DNAAF10: variants seen among roughly 807,000 people sequenced by gnomAD.
The protein encoded by DNAAF10 is WD repeat domain 92.
A neutral mutation model predicts 43.7 loss-of-function variants in DNAAF10; 28 were observed. The ratio of observed to expected loss-of-function variants is 0.64; its 90% CI spans 0.48 to 0.88. The LOEUF (loss-of-function observed/expected upper bound fraction) is 0.88, where lower values mean the gene tolerates loss of function less well. Among genes scored for constraint, DNAAF10 ranks in the 40% least tolerant of loss-of-function variants. The pLI, the probability that DNAAF10 is intolerant of heterozygous loss-of-function variation, is 0.00. For synonymous variants in DNAAF10, 156 were observed against 157.3 expected, an observed-to-expected ratio of 0.99 and a Z score of 0.06; for missense variants, 403 against 439.1, an observed-to-expected ratio of 0.92 and a Z score of 0.73.
rs1015348569 is a variant in DNAAF10, at chr2:68,130,281, C to T, written c.*957G>A. ...AAGTAGCTGTGATTACAGGCGCCCG[C>T]CACTAAGCCCAGCTAATTTTTTGTA... On this transcript the variant is annotated 3_prime_UTR_variant, in exon 8 of 8. Transcript: ENST00000295121. 1 of 151,618 alleles carries T rather than the reference C, an allele frequency of 6.6e-6. No homozygotes were observed. The highest frequency in any genetic ancestry group is 6.6e-5 in the Admixed American group (1 of 15,192). 9.4% of individuals were successfully genotyped at this position (151,618 alleles called of 1,614,324 possible). A position where few individuals can be genotyped will look rare whatever the true frequency, so the allele number is the denominator to read the frequency against.
At chr2:68,151,017 C>T (rs971876111) in intron 1 of DNAAF10, among the ~76,000 whole-genome samples, 1 of 152,128 alleles carries the variant, frequency 6.6e-6, no homozygotes, top group Non-Finnish European at 1.5e-5. Flanking sequence ...ACCAAACTGA[C>T]AACCAGTCTA....
At chr2:68,149,358 T>G (rs1277210878) in intron 1 of DNAAF10, among the ~76,000 whole-genome samples, 1 of 152,170 alleles carries the variant, frequency 6.6e-6, no homozygotes, top group African/African-American at 2.4e-5. Flanking sequence ...TCCTCAGAAT[T>G]GTCTAGTAAA....
chr2:68,152,741 C>T (rs568024833), intron 1 of DNAAF10, among the ~76,000 whole-genome samples: 9 of 152,194 alleles, frequency 5.9e-5, no homozygotes, highest in Non-Finnish European at 1.2e-4. Context: ...CATAATTGAC[C>T]TAACTGTTCA....
rs762214681 is a variant in DNAAF10, at chr2:68,134,761, C to T, written c.807G>A (p.Pro269=). 19 of 1,609,646 alleles carry T rather than the reference C, an allele frequency of 1.2e-5. No homozygotes were observed. Among genetic ancestry groups the T allele is most frequent in the East Asian group, 2.2e-5 (1 of 44,778 alleles). ...KSTVWQVRHL[P]QNRELFLTAG... ...CTGTCAGAAAGAGCTCCCTGTTCTG[C>T]GGCAGGTGTCGGACCTGCCACACAG... The change falls in exon 7 of 8, where the codon CCG becomes CCA. Residue 269 remains proline, a synonymous_variant. Transcript: ENST00000295121.
Position 68,134,456 on chromosome 2 carries a change from A to T in DNAAF10, c.866+246T>A, listed in dbSNP as rs944577207. On this transcript the variant is annotated intron_variant, in intron 7 of 7. Coordinates refer to ENST00000295121, the MANE Select transcript of DNAAF10 (RefSeq NM_138458.4). ...AAAAGTCTTGGGCCAACTTTTTCAT[A>T]CTTAGAAGACACAACTAAAATGATA... 2,126 of 1,269,774 alleles carry T rather than the reference A, an allele frequency of 1.7e-3. 4 individuals are homozygous for T. Among genetic ancestry groups the T allele is most frequent in the Non-Finnish European group, 1.9e-3 (1,879 of 1,009,210 alleles). The allele number at this position is 1,269,774 out of a possible 1,614,324, so 78.7% of individuals were successfully genotyped here. A position where few individuals can be genotyped will look rare whatever the true frequency, so the allele number is the denominator to read the frequency against.
intron 1 of DNAAF10, chr2:68,156,779 A>T (rs1294492584): frequency 1.8e-5 from 3 of 165,708 alleles, no homozygotes; most frequent in Admixed American, 1.7e-4. Context: ...CATTCATCCC[A>T]AATCTGTTTT....
chr2:68,146,636 T>C (rs1367680939), intron 2 of DNAAF10, among the ~76,000 whole-genome samples: 1 of 152,218 alleles, frequency 6.6e-6, no homozygotes, highest in African/African-American at 2.4e-5. Context: ...CTAATTTAAT[T>C]ATTAAGGAGT....
chr2:68,134,800 C>T lies in DNAAF10; in HGVS notation c.769-1G>A, dbSNP rs1381691927. 1.2e-6 allele frequency: 2 copies of T among 1,613,154 alleles called. No homozygotes were observed. The highest frequency in any genetic ancestry group is 2.7e-5 in the African/African-American group (2 of 74,800). ...CCTGCCACACAGTAGATTTATGAGC[C>T]TAAATAGAACAAGAGGCATACAACT... is the stretch of plus-strand genomic sequence containing the variant. On this transcript the variant is annotated splice_acceptor_variant, in intron 6 of 7. Coordinates refer to ENST00000295121, the MANE Select transcript of DNAAF10 (RefSeq NM_138458.4). LOFTEE classifies it high-confidence loss of function.
At chr2:68,138,175 A>AAAACAAACAAACAAAC (rs150999876) in intron 5 of DNAAF10, among the ~76,000 whole-genome samples, 1 of 151,840 alleles carries the variant, frequency 6.6e-6, no homozygotes, top group African/African-American at 2.4e-5. Context: ...ACTCCATCTC[A>AAAACAAACAAACAAAC]AAACAAACAA....
chr2:68,131,647 G>C (rs531783615), intron 7 of DNAAF10: 354 of 553,732 alleles, frequency 6.4e-4, no homozygotes, highest in African/African-American at 5.6e-3. Flanking sequence ...CATAAAAAAG[G>C]GTTATTAGTT....
Position 68,137,345 on chromosome 2 carries a change from A to G in DNAAF10, c.722T>C (p.Met241Thr), listed in dbSNP as rs1673068089. ...ACCTTTGGTTGGATGCTGTGTTCTCATGTCAAAAACATGGAACTTTCCTTC... is the reference window on the plus strand; with the variant it reads ...ACCTTTGGTTGGATGCTGTGTTCTCGTGTCAAAAACATGGAACTTTCCTTC... ...SLEGKFHVFD[M>T]RTQHPTKGFA... The change falls in exon 6 of 8, where the codon ATG (methionine) becomes ACG (threonine). Residue 241 changes from methionine (M) to threonine (T), a missense_variant. Coordinates refer to ENST00000295121, the MANE Select transcript of DNAAF10 (RefSeq NM_138458.4). The G allele has an allele frequency of 1.2e-6, 2 of 1,613,494 alleles. No individual in the cohort carries two copies. Among genetic ancestry groups the G allele is most frequent in the Non-Finnish European group, 1.7e-6 (2 of 1,179,788 alleles).
chr2:68,141,233 C>T (rs771717316), intron 4 of DNAAF10, among the ~76,000 whole-genome samples: 3 of 152,070 alleles, frequency 2.0e-5, no homozygotes, highest in Non-Finnish European at 2.9e-5. Context: ...AAACATACTC[C>T]GTATATAGCG....
chr2:68,157,499 A>C lies in DNAAF10; in HGVS notation c.-56T>G, dbSNP rs772903287. 6.2e-7 allele frequency: 1 copy of C among 1,611,626 alleles called. No homozygotes were observed. The highest frequency in any genetic ancestry group is 1.1e-5 in the South Asian group (1 of 91,032). ...CACACCCAGAGCCCCCAAAAACGGC[A>C]ACCTGGAAACCAGACTCCAAACATT... On this transcript the variant is annotated 5_prime_UTR_variant, in exon 1 of 8. Coordinates refer to ENST00000295121, the MANE Select transcript of DNAAF10 (RefSeq NM_138458.4).
chr2:68,140,073 C>A (rs1474114185), intron 4 of DNAAF10, among the ~76,000 whole-genome samples: 1 of 152,086 alleles, frequency 6.6e-6, no homozygotes, highest in Non-Finnish European at 1.5e-5. Flanking sequence ...ATGATCATAC[C>A]TGAAGTAAGT....
rs556944650 is a variant in DNAAF10, at chr2:68,156,034, G to A, written c.183+1227C>T. ...ACTTGGGAGGCTGAGGTGGGGAGGC[G>A]GAGGTTGCAGTGAGCTGTGTTTGCA... On this transcript the variant is annotated intron_variant, in intron 1 of 7. Coordinates refer to ENST00000295121, the MANE Select transcript of DNAAF10 (RefSeq NM_138458.4). Among the ~76,000 whole-genome samples, 147 of 150,668 alleles carry A rather than the reference G, an allele frequency of 9.8e-4. 1 individual carries two copies. Among genetic ancestry groups the A allele is most frequent in the African/African-American group, 3.2e-3 (133 of 40,976 alleles).
rs1673347816 is a variant in DNAAF10, at chr2:68,147,525, T to C, written c.226A>G (p.Thr76Ala). The change falls in exon 2 of 8, where the codon ACA (threonine) becomes GCA (alanine). Residue 76 changes from threonine to alanine, a missense_variant. Coordinates refer to ENST00000295121, the MANE Select transcript of DNAAF10 (RefSeq NM_138458.4). ...KPIKCGTFGATSLQQRYLATG... is the reference protein window; with the variant it reads ...KPIKCGTFGAASLQQRYLATG... ...GCTAAATATCTCTGCTGTAAAGATG[T>C]TGCACCAAATGTTCCACATTTAATA... The C allele has an allele frequency of 5.6e-6, 9 of 1,612,028 alleles. No individual in the cohort carries two copies. The highest frequency in any genetic ancestry group is 1.7e-5 in the Admixed American group (1 of 59,700).
chr2:68,135,842 G>A (rs1673029783), intron 6 of DNAAF10, among the ~76,000 whole-genome samples: 1 of 152,192 alleles, frequency 6.6e-6, no homozygotes, highest in Non-Finnish European at 1.5e-5. Flanking sequence ...CAAAAAGCAA[G>A]AGGGGAAATG....
intron 1 of DNAAF10, among the ~76,000 whole-genome samples, chr2:68,153,192 A>T (rs1488389684): frequency 6.6e-6 from 1 of 152,172 alleles, no homozygotes; most frequent in East Asian, 1.9e-4. Context: ...AAACTGCTCA[A>T]CTGAACACGG....
chr2:68,137,569 C>T (rs376165893), intron 5 of DNAAF10, 136 bp from the exon 6 acceptor site: 9 of 1,004,694 alleles, frequency 9.0e-6, no homozygotes, highest in Non-Finnish European at 1.1e-5. Flanking sequence ...TTAACTTTTC[C>T]CATAAAAATT....
Sources: gnomAD v4.1 joint callset for allele counts (sites outside exome capture counted in the v4.1 genomes callset) on GRCh38, gnomAD v4.1.1 for gene constraint, MANE v1.5 for transcripts, NCBI Gene and HGNC (gene_info 2026-07-23, HGNC 2026-07-21) for gene names.